CLEC2B: variants seen among roughly 807,000 people sequenced by gnomAD.
CLEC2B encodes the protein C-type lectin domain family 2 member B.
In CLEC2B, 14 loss-of-function variants were observed where a neutral mutation model predicts 16.2. The ratio of observed to expected loss-of-function variants is 0.86; its 90% CI spans 0.57 to 1.35. The LOEUF (loss-of-function observed/expected upper bound fraction) is 1.35, where lower values mean the gene tolerates loss of function less well. CLEC2B is among the 40% of genes most tolerant of loss of function. CLEC2B has a pLI of 0.00. For synonymous variants in CLEC2B, 42 were observed against 55.8 expected (o/e 0.75, Z 1.10); for missense variants, 166 against 182.3 (o/e 0.91, Z 0.52).
intron 1 of CLEC2B, among the ~76,000 whole-genome samples, chr12:9,864,875 T>C (rs973127862): frequency 6.6e-6 from 1 of 151,910 alleles, no homozygotes; most frequent in Non-Finnish European, 1.5e-5. Flanking sequence ...TGAACTCAAC[T>C]CTCCAATTAA....
chr12:9,853,097 A>AGAG lies in CLEC2B; in HGVS notation c.*202_*203insCTC. 2.4e-6 allele frequency: 1 copy of AGAG among 424,112 alleles called. No homozygotes were observed. The highest frequency in any genetic ancestry group is 4.2e-6 in the Non-Finnish European group (1 of 239,030). The allele number at this position is 424,112 out of a possible 1,614,324, so 26.3% of individuals were successfully genotyped here. ...AGAAAGAAAGAAAGAGAGAGAGAGA[A>AGAG]AGAAAGAAAGAAAAAAACTCAGCAG... is the stretch of plus-strand genomic sequence containing the variant. On this transcript the variant is annotated 3_prime_UTR_variant, in exon 5 of 5. Coordinates refer to ENST00000228438, the MANE Select transcript of CLEC2B (RefSeq NM_005127.3).
chr12:9,869,198 T>A lies in CLEC2B; in HGVS notation c.-3+7A>T, dbSNP rs1010143875. ...CGGTCATTCTAAACAAACAAAAATG[T>A]TCTTACCGTGCTTCTTTTAATCAGC... On this transcript the variant is annotated splice_region_variant and intron_variant, in intron 1 of 4. Transcript: ENST00000228438. The A allele has an allele frequency of 6.6e-6, 1 of 152,304 alleles. No homozygotes were observed. The highest frequency in any genetic ancestry group is 2.1e-4 in the South Asian group (1 of 4,824). 9.4% of individuals were successfully genotyped at this position (152,304 alleles called of 1,614,324 possible). A position where few individuals can be genotyped will look rare whatever the true frequency, so the allele number is the denominator to read the frequency against.
At chr12:9,862,448 T>C (rs755007337) in intron 2 of CLEC2B, 51 bp downstream of exon 2, 6 of 1,369,750 alleles carry the variant, frequency 4.4e-6, no homozygotes, top group South Asian at 1.4e-5. Flanking sequence ...CAGAAAGGAA[T>C]AGGATCACAC....
At position 9,857,370 on chromosome 12, in the gene CLEC2B, T is replaced by A. The variant is rs1867901284; in HGVS notation, c.237+104A>T. 4.9e-6 allele frequency: 4 copies of A among 812,100 alleles called. No individual in the cohort carries two copies. In the Admixed American group the frequency reaches 8.1e-5, roughly 16 times the overall value. The allele number at this position is 812,100 out of a possible 1,614,324, so 50.3% of individuals were successfully genotyped here. On this transcript the variant is annotated intron_variant, in intron 3 of 4. Transcript: ENST00000228438. Reference sequence around the variant, plus strand: ...CTCTGAACATCTTCAATTTTCTGCATAGATAGGCATGAGTGAAAAGACTTC... The same window carrying A: ...CTCTGAACATCTTCAATTTTCTGCAAAGATAGGCATGAGTGAAAAGACTTC...
intron 1 of CLEC2B, among the ~76,000 whole-genome samples, chr12:9,866,179 T>C (rs1164150924): frequency 6.6e-6 from 1 of 152,144 alleles, no homozygotes; most frequent in Non-Finnish European, 1.5e-5. Flanking sequence ...GTTTCTTATC[T>C]TTCATATATA....
intron 1 of CLEC2B, among the ~76,000 whole-genome samples, chr12:9,865,206 A>C (rs113063686): frequency 0.041 from 6,083 of 148,866 alleles, 189 homozygotes; most frequent in African/African-American, 0.077. Context: ...AAAAAAGCAT[A>C]AAGTTAAAGT....
At chr12:9,862,409 G>T in intron 2 of CLEC2B, 90 bp downstream of exon 2, 1 of 1,134,126 alleles carries the variant, frequency 8.8e-7, no homozygotes, top group South Asian at 1.6e-5. Context: ...GGAAGATAAT[G>T]AGATACTGAG....
chr12:9,866,348 A>G (rs889944840), intron 1 of CLEC2B, among the ~76,000 whole-genome samples: 1 of 152,128 alleles, frequency 6.6e-6, no homozygotes, highest in Non-Finnish European at 1.5e-5. Flanking sequence ...GTAAAAATAT[A>G]GATGTTAGAG....
chr12:9,866,888 A>T (rs1259744456), intron 1 of CLEC2B: 1 of 152,220 alleles, frequency 6.6e-6, no homozygotes, highest in Non-Finnish European at 1.5e-5. Flanking sequence ...TCCTGACAAT[A>T]TGAGAAATGA....
At chr12:9,859,512 A>G (rs1867917855) in intron 2 of CLEC2B, among the ~76,000 whole-genome samples, 1 of 151,904 alleles carries the variant, frequency 6.6e-6, no homozygotes, top group South Asian at 2.1e-4. Flanking sequence ...TAAAAGCAGC[A>G]TATCTAAATA....
intron 3 of CLEC2B, among the ~76,000 whole-genome samples, chr12:9,855,339 A>G (rs1230618485): frequency 6.6e-6 from 1 of 152,130 alleles, no homozygotes; most frequent in Admixed American, 6.6e-5. Context: ...TAATTTGAAA[A>G]AAATAATTAG....
chr12:9,859,672 A>G lies in CLEC2B; in HGVS notation c.74-2035T>C, dbSNP rs546886402. 1.1e-4 allele frequency among the ~76,000 whole-genome samples: 17 copies of G among 151,980 alleles called. No individual in the cohort carries two copies. In the South Asian group the frequency reaches 3.5e-3, roughly 31 times the overall value. On this transcript the variant is annotated intron_variant, in intron 2 of 4. Transcript: ENST00000228438. Reference sequence around the variant, plus strand: ...TATACACACTCTTTCAGAAAATAGGATAGGAGGGAATACTTTCCAACCAAA... The same window carrying G: ...TATACACACTCTTTCAGAAAATAGGGTAGGAGGGAATACTTTCCAACCAAA...
chr12:9,857,755 T>C, intron 2 of CLEC2B, 118 bp from the exon 3 acceptor site: 1 of 773,602 alleles, frequency 1.3e-6, no homozygotes, highest in Non-Finnish European at 2.1e-6. Flanking sequence ...GAAAGTTGTA[T>C]ATCTATTATA....
intron 1 of CLEC2B, 126 bp from the exon 2 acceptor site, chr12:9,862,699 C>T (rs1565516004): frequency 2.5e-6 from 2 of 785,406 alleles, no homozygotes; most frequent in South Asian, 2.5e-5. Context: ...TTATCCCCAG[C>T]AATATCCTAG....
rs565580719 is a variant in CLEC2B at position 9,853,220 on chromosome 12, T to C, written c.*80A>G. 3.5e-6 allele frequency: 4 copies of C among 1,127,126 alleles called. No homozygotes were observed. The African/African-American group carries it at 4.6e-5, about 13-fold the overall frequency. The allele number at this position is 1,127,126 out of a possible 1,614,324, so 69.8% of individuals were successfully genotyped here. ...CCAGACAGGTACAAAACTCGAACTT[T>C]GTTTAATTAAAAAAGTACTTTGCTG... is the stretch of plus-strand genomic sequence containing the variant. On this transcript the variant is annotated 3_prime_UTR_variant, in exon 5 of 5. Coordinates refer to ENST00000228438, the MANE Select transcript of CLEC2B (RefSeq NM_005127.3).
chr12:9,864,781 AAG>A (rs748830498), intron 1 of CLEC2B, among the ~76,000 whole-genome samples: 3 of 152,160 alleles, frequency 2.0e-5, no homozygotes, highest in African/African-American at 7.2e-5. Context: ...GAAAAGAAAA[AAG>A]AGAGAAATTT....
At chr12:9,865,743 C>A (rs976985011) in intron 1 of CLEC2B, among the ~76,000 whole-genome samples, 1 of 152,068 alleles carries the variant, frequency 6.6e-6, no homozygotes, top group Non-Finnish European at 1.5e-5. Context: ...CCAGAACAGA[C>A]CACATTGTAG....
rs547875842 is a variant in CLEC2B at position 9,861,418 on chromosome 12, A to G, written c.73+1081T>C. ...GGAATGGCAAAAATTGATAAAACCA[A>G]CAATAAAGTATTGACATGGCATGGA... On this transcript the variant is annotated intron_variant, in intron 2 of 4. Coordinates refer to ENST00000228438, the MANE Select transcript of CLEC2B (RefSeq NM_005127.3). Among the ~76,000 whole-genome samples the G allele has an allele frequency of 3.3e-5, 5 of 152,172 alleles. No homozygotes were observed. In the East Asian group the frequency reaches 5.8e-4, roughly 18 times the overall value.
At chr12:9,863,283 G>GC (rs1378324200) in intron 1 of CLEC2B, among the ~76,000 whole-genome samples, 1 of 151,756 alleles carries the variant, frequency 6.6e-6, no homozygotes, top group Non-Finnish European at 1.5e-5. Context: ...CCTAGCTGCC[G>GC]CCCCCCACCC....
Sources: allele counts gnomAD v4.1 joint callset (sites outside exome capture counted in the v4.1 genomes callset), GRCh38; gene constraint gnomAD v4.1.1; transcripts MANE v1.5; gene names NCBI Gene and HGNC (gene_info 2026-07-23, HGNC 2026-07-21).